The following EXOC7 variants were observed in gnomAD, a reference collection of about 807,000 sequenced individuals.
EXOC7 encodes the protein exocyst complex component Exo70.
EXOC7 carries 51 observed loss-of-function variants against 87.6 expected under a neutral mutation model. The observed-to-expected ratio is 0.58, with a 90% CI of 0.46 to 0.73. The LOEUF is 0.73. Among genes scored for constraint, EXOC7 ranks in the 30% least tolerant of loss-of-function variants. The pLI, the probability that EXOC7 is intolerant of heterozygous loss-of-function variation, is 0.00. For synonymous variants in EXOC7, 327 were observed against 357.1 expected (o/e 0.92, Z 0.95); for missense variants, 744 against 888.4 (o/e 0.84, Z 2.07).
intron 10 of EXOC7, 98 bp downstream of exon 10, chr17:76,088,366 A>C: frequency 7.9e-7 from 1 of 1,263,800 alleles, no homozygotes; most frequent in Non-Finnish European, 1.1e-6. Context: ...GCCCCGGGAC[A>C]ACGCACCCTC....
intron 4 of EXOC7, 64 bp downstream of exon 4, chr17:76,101,207 C>A: frequency 6.2e-7 from 1 of 1,613,768 alleles, no homozygotes; most frequent in African/African-American, 1.3e-5. Context: ...CTCCATGTCC[C>A]TCATGAGACC....
At position 76,095,725 on chromosome 17, in the gene EXOC7, T is replaced by C. The variant is rs62090098; in HGVS notation, c.641-1144A>G. Among the ~76,000 whole-genome samples the C allele has an allele frequency of 2.0e-3, 303 of 152,326 alleles. 1 individual carries two copies. The highest frequency in any genetic ancestry group is 6.8e-3 in the Middle Eastern group (2 of 294). ...CCTGATCTATTTAGAGAGGAGCTAG[T>C]GATGGCAAGAAGGTTACAAGTATCT... On this transcript the variant is annotated intron_variant, in intron 5 of 18. Coordinates refer to ENST00000589210, the MANE Select transcript of EXOC7 (RefSeq NM_001013839.4).
At chr17:76,099,057 A>C (rs1349134260) in intron 4 of EXOC7, among the ~76,000 whole-genome samples, 2 of 152,218 alleles carry the variant, frequency 1.3e-5, no homozygotes, top group Non-Finnish European at 2.9e-5. Flanking sequence ...AATATTTGTA[A>C]ACTATGTATC....
rs113648375 is a variant in EXOC7, at chr17:76,090,565, C to G, written c.901+578G>C. The G allele has an allele frequency of 2.4e-4, 316 of 1,343,960 alleles. 3 individuals carry two copies. The African/African-American group carries it at 3.9e-3, about 17-fold the overall frequency. The allele number at this position is 1,343,960 out of a possible 1,614,324, so 83.3% of individuals were successfully genotyped here. ...CCTGAGCCCCTCCTCTACCTCAAGC[C>G]ACCTTGGGAACAGCCGTTTCAAGCC... On this transcript the variant is annotated intron_variant, in intron 7 of 18. Transcript: ENST00000589210.
chr17:76,084,742 T>C (rs2067134550), intron 15 of EXOC7, 162 bp from the exon 16 acceptor site: 2 of 625,204 alleles, frequency 3.2e-6, no homozygotes, highest in Admixed American at 5.9e-5. Flanking sequence ...GAAGAGAAAA[T>C]CTTTAAACTG....
intron 7 of EXOC7, 120 bp from the exon 8 acceptor site, chr17:76,089,440 GCTGA>G: frequency 7.6e-7 from 1 of 1,308,438 alleles, no homozygotes; most frequent in South Asian, 1.4e-5. Context: ...TGGGGAAGAG[GCTGA>G]CTGTTCTGGC....
chr17:76,102,649 G>C (rs2068127826), intron 2 of EXOC7, among the ~76,000 whole-genome samples: 1 of 152,040 alleles, frequency 6.6e-6, no homozygotes, highest in African/African-American at 2.4e-5. Context: ...AAAAGGACTA[G>C]GACTTTATTA....
chr17:76,089,112 C>A, intron 8 of EXOC7, 63 bp downstream of exon 8: 2 of 1,602,500 alleles, frequency 1.2e-6, no homozygotes, highest in South Asian at 2.2e-5. Flanking sequence ...TTGAGGGCTG[C>A]AAGAGTCTGT....
intron 14 of EXOC7, 72 bp downstream of exon 14, chr17:76,085,605 G>A (rs1422060560): frequency 1.6e-5 from 25 of 1,609,338 alleles, no homozygotes; most frequent in African/African-American, 2.7e-5. Flanking sequence ...AGCCCAGGGG[G>A]GCAGGGGCTG....
Position 76,082,571 on chromosome 17 carries a change from C to T in EXOC7, c.*1077G>A. The T allele has an allele frequency of 6.2e-7, 1 of 1,613,744 alleles. No homozygotes were observed. Among genetic ancestry groups the T allele is most frequent in the Middle Eastern group, 1.7e-4 (1 of 6,060 alleles). ...GTGCTGTGCACCCAATTCGTCTTTG[C>T]AGGAATCTGGATGTGGGCAGCGTGC... On this transcript the variant is annotated 3_prime_UTR_variant, in exon 19 of 19. Transcript: ENST00000589210.
Position 76,081,202 on chromosome 17 carries a change from C to A in EXOC7, c.*2446G>T. ...ATCAAAAGTCTCCATCACCCCTGGGCTCCAGTCTGCTACCCCCAGACTTGG... is the reference window on the plus strand; with the variant it reads ...ATCAAAAGTCTCCATCACCCCTGGGATCCAGTCTGCTACCCCCAGACTTGG... On this transcript the variant is annotated 3_prime_UTR_variant, in exon 19 of 19. Transcript: ENST00000589210. 6.3e-7 allele frequency: 1 copy of A among 1,587,078 alleles called. No homozygotes were observed. The highest frequency in any genetic ancestry group is 1.2e-5 in the South Asian group (1 of 86,530).
chr17:76,086,653 G>A (rs2067226357), intron 12 of EXOC7, among the ~76,000 whole-genome samples: 1 of 152,180 alleles, frequency 6.6e-6, no homozygotes, highest in African/African-American at 2.4e-5. Context: ...TGTATCCAGG[G>A]CTCTAGCCTG....
intron 9 of EXOC7, 102 bp from the exon 10 acceptor site, chr17:76,088,664 A>C: frequency 6.3e-7 from 1 of 1,594,636 alleles, no homozygotes; most frequent in Non-Finnish European, 8.6e-7. Context: ...CCTTCAGAGC[A>C]GAAGTGTGGG....
In EXOC7 at chr17:76,088,774, G is replaced by T. The variant is rs202147348; in HGVS notation, c.1197C>A (p.Leu399=). The T allele has an allele frequency of 1.2e-6, 2 of 1,613,582 alleles. No individual in the cohort carries two copies. Among genetic ancestry groups the T allele is most frequent in the South Asian group, 1.1e-5 (1 of 91,062 alleles). Residue 399 remains leucine, a synonymous_variant, in exon 9 of 19, where the codon CTC becomes CTA. Transcript: ENST00000589210. ...KQTKPEFDQV[L]QGTAASTKNK... ...TGAGGGCCCCTCGCCCACATACCTG[G>T]AGCACCTGGTCAAACTCAGGCTTGG... is the stretch of plus-strand genomic sequence containing the variant.
Position 76,091,202 on chromosome 17 carries a change from T to G in EXOC7, c.842A>C (p.Gln281Pro). The G allele has an allele frequency of 5.0e-6, 8 of 1,614,164 alleles. No homozygotes were observed. The highest frequency in any genetic ancestry group is 6.8e-6 in the Non-Finnish European group (8 of 1,180,016). Residue 281 changes from glutamine (Q) to proline (P), a missense_variant, in exon 7 of 19, where the codon CAG (glutamine) becomes CCG (proline). By Grantham distance (76) the Gln-to-Pro change is moderately conservative (BLOSUM62 -1). Around this residue, in one of 3 missense-constraint regions of EXOC7, gnomAD observed 512 missense variants for 573.0 expected, o/e 0.89. Coordinates refer to ENST00000589210, the MANE Select transcript of EXOC7 (RefSeq NM_001013839.4). ...CCCATCTAGACCATGCTGGGAATAC[T>G]GTTTCAGAAGGTTCTGAGCCTTACG... ...TIRKAQNLLK[Q>P]YSQHGLDGKK... is the part of the protein sequence containing the mutation.
chr17:76,088,115 G>A lies in EXOC7; in HGVS notation c.1307C>T (p.Pro436Leu), dbSNP rs766252660. ...CTTCGGCATGTTGTACTCCTTGTCC[G>A]GGTCATTCTGTGGAAAAACAGCCTC... ...EDFADNIKND[P>L]DKEYNMPKDG... is the part of the protein sequence containing the mutation. Residue 436 changes from proline (P) to leucine (L), a missense_variant, in exon 11 of 19, where the codon CCG (proline) becomes CTG (leucine). Around this residue, in one of 3 missense-constraint regions of EXOC7, gnomAD observed 512 missense variants for 573.0 expected, o/e 0.89. Transcript: ENST00000589210. 1.2e-6 allele frequency: 2 copies of A among 1,613,818 alleles called. No homozygotes were observed. The highest frequency in any genetic ancestry group is 2.2e-5 in the East Asian group (1 of 44,876).
rs781472339 is a variant in EXOC7, at chr17:76,087,997, CCCTGGG to C, written c.1362+57_1362+62del. 313 of 1,585,612 alleles carry C rather than the reference CCCTGGG, an allele frequency of 2.0e-4. 2 individuals are homozygous for C. In the East Asian group the frequency reaches 6.3e-3, roughly 32 times the overall value. On this transcript the variant is annotated intron_variant, in intron 11 of 18. Coordinates refer to ENST00000589210, the MANE Select transcript of EXOC7 (RefSeq NM_001013839.4). The stretch of plus-strand genomic sequence containing the variant: ...TCCCTTCCACCAGTACTCTGCCTGG[CCCTGGG>C]CCTGGGCCTGGGCCCTCCTTCCTCC...
At position 76,082,722 on chromosome 17, in the gene EXOC7, C is replaced by T; in HGVS notation, c.*926G>A. 2 of 1,468,396 alleles carry T rather than the reference C, an allele frequency of 1.4e-6. No homozygotes were observed. Among genetic ancestry groups the T allele is most frequent in the Non-Finnish European group, 1.8e-6 (2 of 1,101,824 alleles). 91.0% of individuals were successfully genotyped at this position (1,468,396 alleles called of 1,614,324 possible). On this transcript the variant is annotated 3_prime_UTR_variant, in exon 19 of 19. Coordinates refer to ENST00000589210, the MANE Select transcript of EXOC7 (RefSeq NM_001013839.4). The stretch of plus-strand genomic sequence containing the variant: ...TCCCATGGCTGGGGGCGGGCCATGA[C>T]AGGGCCTCTGGATTAAGCCACCCTG...
At chr17:76,102,266 G>A (rs760313968) in intron 2 of EXOC7, among the ~76,000 whole-genome samples, 1 of 152,092 alleles carries the variant, frequency 6.6e-6, no homozygotes, top group Non-Finnish European at 1.5e-5. Context: ...CCTCTCTAAG[G>A]ATGAAACTCA....
Sources: allele counts gnomAD v4.1 joint callset (sites outside exome capture counted in the v4.1 genomes callset), GRCh38; gene constraint gnomAD v4.1.1; regional missense constraint gnomAD v4.1.1; transcripts MANE v1.5; gene names NCBI Gene and HGNC (gene_info 2026-07-23, HGNC 2026-07-21).